The following ATG5 variants were observed in gnomAD, a reference collection of about 807,000 sequenced individuals.
The protein encoded by ATG5 is autophagy related 5.
A neutral mutation model predicts 36.5 loss-of-function variants in ATG5; 14 were observed. The ratio of observed to expected loss-of-function variants is 0.38; its 90% CI spans 0.25 to 0.60. The LOEUF (loss-of-function observed/expected upper bound fraction) is 0.60. Ranked by LOEUF, ATG5 falls within the 20% of genes least tolerant of loss-of-function variation. The pLI is 0.60. For missense variants in ATG5, 195 were observed against 326.7 expected (o/e 0.60, Z 3.11); for synonymous variants, 95 against 101.5 (o/e 0.94, Z 0.38).
intron 3 of ATG5, among the ~76,000 whole-genome samples, chr6:106,296,335 A>T (rs1420988327): frequency 6.6e-6 from 1 of 152,218 alleles, no homozygotes; most frequent in Non-Finnish European, 1.5e-5. Flanking sequence ...TATGTATCAA[A>T]ACATTTTACT....
chr6:106,314,489 G>A (rs1330111007), intron 2 of ATG5, among the ~76,000 whole-genome samples: 1 of 152,096 alleles, frequency 6.6e-6, no homozygotes, highest in Non-Finnish European at 1.5e-5. Context: ...CCCAGGAGAG[G>A]GAGGTTGCAG....
At chr6:106,246,371 G>GTCTC (rs761408773) in intron 6 of ATG5, among the ~76,000 whole-genome samples, 5,875 of 124,334 alleles carry the variant, frequency 0.047, 189 homozygotes, top group South Asian at 0.11. Flanking sequence ...CTCTGTCTCT[G>GTCTC]TCTCTCTCTC....
intron 6 of ATG5, among the ~76,000 whole-genome samples, chr6:106,247,087 C>T (rs916087755): frequency 1.2e-4 from 18 of 152,166 alleles, no homozygotes; most frequent in African/African-American, 4.1e-4. Flanking sequence ...TCTCTGAACA[C>T]ATAGTTATGT....
chr6:106,306,793 GCT>G (rs1770463852), intron 3 of ATG5, among the ~76,000 whole-genome samples: 2 of 151,904 alleles, frequency 1.3e-5, no homozygotes, highest in Admixed American at 6.5e-5. Flanking sequence ...AATAATTGTT[GCT>G]CTGTTTACAC....
At chr6:106,290,756 G>C (rs1314897683) in intron 4 of ATG5, among the ~76,000 whole-genome samples, 1 of 152,130 alleles carries the variant, frequency 6.6e-6, no homozygotes, top group Non-Finnish European at 1.5e-5. Flanking sequence ...ATCAAGCACT[G>C]GTCATCTGGA....
intron 2 of ATG5, among the ~76,000 whole-genome samples, chr6:106,312,643 C>T (rs199772962): frequency 0.11 from 17,069 of 151,638 alleles, 1,053 homozygotes; most frequent in African/African-American, 0.16. Context: ...CACACACACA[C>T]ACACACACAC....
intron 3 of ATG5, among the ~76,000 whole-genome samples, chr6:106,303,723 T>G (rs1196883801): frequency 6.6e-6 from 1 of 152,120 alleles, no homozygotes; most frequent in Non-Finnish European, 1.5e-5. Flanking sequence ...CAAATAAGAT[T>G]TATTAAATGT....
rs528897866 is a variant in ATG5, at chr6:106,229,453, G to C, written c.573+18697C>G. ...GACAGAGAGGAGAGAGAGAGAGACA[G>C]GGAGGACAGGGAGAGAGACAGAGAG... On this transcript the variant is annotated intron_variant, in intron 6 of 7. Transcript: ENST00000369076. Among the ~76,000 whole-genome samples the C allele has an allele frequency of 8.4e-4, 127 of 151,912 alleles. 1 individual carries two copies. Among genetic ancestry groups the C allele is most frequent in the Non-Finnish European group, 1.7e-3 (113 of 67,966 alleles).
intron 7 of ATG5, among the ~76,000 whole-genome samples, chr6:106,200,143 T>C (rs532184987): frequency 1.7e-4 from 26 of 152,208 alleles, no homozygotes; most frequent in South Asian, 4.2e-4. Context: ...CTAAGGAAAA[T>C]TGCAATATTC....
intron 1 of ATG5, among the ~76,000 whole-genome samples, chr6:106,318,620 T>C (rs1392767333): frequency 6.6e-6 from 1 of 152,204 alleles, no homozygotes; most frequent in Non-Finnish European, 1.5e-5. Flanking sequence ...TGTATATTTT[T>C]TGCAAGACCT....
chr6:106,289,614 A>G (rs1177259878), intron 4 of ATG5, among the ~76,000 whole-genome samples: 1 of 152,192 alleles, frequency 6.6e-6, no homozygotes, highest in Admixed American at 6.5e-5. Context: ...AAGAGTTTAT[A>G]TTTATGTGGA....
chr6:106,207,374 A>C (rs1454565951), intron 6 of ATG5, among the ~76,000 whole-genome samples: 1 of 152,194 alleles, frequency 6.6e-6, no homozygotes, highest in Non-Finnish European at 1.5e-5. Flanking sequence ...TAAATAGTTC[A>C]AGTGTAAAAC....
chr6:106,201,950 T>G (rs771529044), intron 7 of ATG5, 22 bp downstream of exon 7: 17 of 1,536,562 alleles, frequency 1.1e-5, no homozygotes, highest in Non-Finnish European at 1.5e-5. Flanking sequence ...AAGAAATGTT[T>G]TAATGTTGCT....
In ATG5 at chr6:106,185,591, C is replaced by T. The variant is rs1775735125; in HGVS notation, c.*949G>A. On this transcript the variant is annotated 3_prime_UTR_variant, in exon 8 of 8. Coordinates refer to ENST00000369076, the MANE Select transcript of ATG5 (RefSeq NM_004849.4). ...CACAGTGAAAAATTAGACCTGGAGC[C>T]AATGAAAAACACTAGCTTGGAAGGA... 6.6e-6 allele frequency: 1 copy of T among 152,150 alleles called. No individual in the cohort carries two copies. Among genetic ancestry groups the T allele is most frequent in the Non-Finnish European group, 1.5e-5 (1 of 68,004 alleles). The allele number at this position is 152,150 out of a possible 1,614,324, so 9.4% of individuals were successfully genotyped here.
At chr6:106,290,765 G>A (rs1044951390) in intron 4 of ATG5, among the ~76,000 whole-genome samples, 8 of 152,124 alleles carry the variant, frequency 5.3e-5, no homozygotes, top group African/African-American at 1.9e-4. Flanking sequence ...TGGTCATCTG[G>A]AAATGTTCAC....
chr6:106,207,290 T>C (rs1185961945), intron 6 of ATG5, among the ~76,000 whole-genome samples: 1 of 152,214 alleles, frequency 6.6e-6, no homozygotes, highest in Non-Finnish European at 1.5e-5. Context: ...AGTGTTGATA[T>C]AGCTCAGAGA....
At chr6:106,319,211 T>C (rs1770972115) in intron 1 of ATG5, among the ~76,000 whole-genome samples, 1 of 152,226 alleles carries the variant, frequency 6.6e-6, no homozygotes, top group Non-Finnish European at 1.5e-5. Context: ...ATAAAGGTTA[T>C]CTACTATTAT....
intron 5 of ATG5, among the ~76,000 whole-genome samples, chr6:106,276,033 A>G (rs1262822835): frequency 1.3e-5 from 2 of 152,244 alleles, no homozygotes; most frequent in Non-Finnish European, 2.9e-5. Context: ...GGAATCTAAA[A>G]GTGACTTCTC....
At chr6:106,235,145 C>T (rs982028894) in intron 6 of ATG5, among the ~76,000 whole-genome samples, 3 of 152,104 alleles carry the variant, frequency 2.0e-5, no homozygotes, top group East Asian at 1.9e-4. Flanking sequence ...CTGGATTCTC[C>T]CCTTCTTAGG....
Sources: gnomAD v4.1 joint callset for allele counts (sites outside exome capture counted in the v4.1 genomes callset) on GRCh38, gnomAD v4.1.1 for gene constraint, MANE v1.5 for transcripts, NCBI Gene and HGNC (gene_info 2026-07-23, HGNC 2026-07-21) for gene names.